The following MAP3K15 variants were observed in gnomAD, a reference collection of about 807,000 sequenced individuals.
The protein encoded by MAP3K15 is MAPK/ERK kinase kinase 15.
A neutral mutation model predicts 99.5 loss-of-function variants in MAP3K15; 124 were observed. The observed-to-expected ratio is 1.25, with a 90% CI of 1.08 to 1.45. The LOEUF is 1.45. Among genes scored for constraint, MAP3K15 ranks in the 40% most tolerant of loss-of-function variants. MAP3K15 has a pLI of 0.00. For missense variants in MAP3K15, 1,242 were observed against 1,079.7 expected (o/e 1.15, Z -2.11); for synonymous variants, 494 against 439.6 (o/e 1.12, Z -1.55).
At chrX:19,447,264 T>C (rs1479950598) in intron 6 of MAP3K15, among the ~76,000 whole-genome samples, 1 of 111,533 alleles carries the variant, frequency 9.0e-6, no homozygotes, top group Non-Finnish European at 1.9e-5. Context: ...TGCCCACAGA[T>C]ACCCAGCTAG....
rs767722976 is a variant in MAP3K15, at chrX:19,395,218, A to G, written c.2067-10T>C. On this transcript the variant is annotated splice_polypyrimidine_tract_variant and intron_variant, in intron 15 of 28. Transcript: ENST00000338883. ...CAGAGGCTGAGAATACCTATTGGGA[A>G]AAACAGAGCCAGGGTCACCTGCCAA... 1 of 1,200,645 alleles carries G rather than the reference A, an allele frequency of 8.3e-7. No individual in the cohort carries two copies. Among genetic ancestry groups the G allele is most frequent in the East Asian group, 3.0e-5 (1 of 33,265 alleles).
At chrX:19,474,050 T>A (rs1374896910) in intron 3 of MAP3K15, among the ~76,000 whole-genome samples, 6 of 111,971 alleles carry the variant, frequency 5.4e-5, no homozygotes, top group African/African-American at 1.9e-4. Flanking sequence ...CCTAAGGATA[T>A]CTTCCCAGGA....
At chrX:19,374,426 C>T in intron 20 of MAP3K15, 51 bp downstream of exon 20, 1 of 1,132,915 alleles carries the variant, frequency 8.8e-7, no homozygotes, top group Admixed American at 2.3e-5. Context: ...AGCCCAGCGC[C>T]CAGCATTCTT....
intron 9 of MAP3K15, among the ~76,000 whole-genome samples, chrX:19,420,801 G>A (rs1198829622): frequency 9.0e-6 from 1 of 111,570 alleles, no homozygotes; most frequent in East Asian, 2.8e-4. Flanking sequence ...ACTGGCAAAC[G>A]GAATCCAGCA....
intron 7 of MAP3K15, among the ~76,000 whole-genome samples, chrX:19,430,532 C>G (rs938111231): frequency 8.9e-6 from 1 of 111,916 alleles, no homozygotes; most frequent in African/African-American, 3.3e-5. Flanking sequence ...GGGGTTGTTA[C>G]GCAGCAAGTG....
chrX:19,454,817 A>G (rs1358970645), intron 6 of MAP3K15, among the ~76,000 whole-genome samples: 3 of 112,166 alleles, frequency 2.7e-5, no homozygotes, highest in South Asian at 7.4e-4. Context: ...GCAGTATTTC[A>G]GATTTTGGAA....
intron 13 of MAP3K15, among the ~76,000 whole-genome samples, chrX:19,405,839 C>T (rs1381586524): frequency 8.9e-6 from 1 of 112,281 alleles, no homozygotes; most frequent in East Asian, 2.8e-4. Context: ...CTGAGAAATT[C>T]TGTGTGAAAC....
At chrX:19,416,269 T>G (rs765750298) in intron 9 of MAP3K15, among the ~76,000 whole-genome samples, 1 of 110,587 alleles carries the variant, frequency 9.0e-6, no homozygotes, top group South Asian at 3.9e-4. Flanking sequence ...AGACGGAGGT[T>G]GCAGTGAGCT....
Position 19,490,140 on chromosome X carries a change from TACACACACAC to T in MAP3K15, c.362-1183_362-1174del, listed in dbSNP as rs59202439. Among the ~76,000 whole-genome samples the T allele has an allele frequency of 2.7e-3, 252 of 92,470 alleles. 1 individual carries two copies. The highest frequency in any genetic ancestry group is 7.9e-3 in the African/African-American group (189 of 24,033). 80.3% of individuals were successfully genotyped at this position (92,470 alleles called of 115,157 possible). A position where few individuals can be genotyped will look rare whatever the true frequency, so the allele number is the denominator to read the frequency against. ...TACGTACAGGCATGTATAGGCATTA[TACACACACAC>T]ACACACACACACACACACACACACA... is the stretch of plus-strand genomic sequence containing the variant. On this transcript the variant is annotated intron_variant, in intron 1 of 28. Transcript: ENST00000338883.
chrX:19,460,745 G>A (rs2064126059), intron 4 of MAP3K15, among the ~76,000 whole-genome samples: 3 of 105,623 alleles, frequency 2.8e-5, no homozygotes, highest in East Asian at 5.9e-4. Flanking sequence ...CAGATGTTCT[G>A]TTTTTTTGTT....
At chrX:19,382,267 A>G (rs1012218194) in intron 18 of MAP3K15, among the ~76,000 whole-genome samples, 178 of 106,486 alleles carry the variant, frequency 1.7e-3, no homozygotes, top group African/African-American at 5.7e-3. Flanking sequence ...AAAAAAAAAA[A>G]GGAAAGCAAA....
At chrX:19,479,043 C>T (rs1389920918) in intron 3 of MAP3K15, among the ~76,000 whole-genome samples, 3 of 111,462 alleles carry the variant, frequency 2.7e-5, no homozygotes, top group Non-Finnish European at 5.6e-5. Context: ...ATAGCAGTAC[C>T]TCTAAGCCTT....
At chrX:19,375,046 C>G (rs2063407678) in intron 19 of MAP3K15, among the ~76,000 whole-genome samples, 1 of 112,082 alleles carries the variant, frequency 8.9e-6, no homozygotes, top group Non-Finnish European at 1.9e-5. Context: ...AGGGAGGGGC[C>G]TCTCAGGCCA....
At chrX:19,414,199 G>C (rs1221605621) in intron 10 of MAP3K15, 1 of 108,810 alleles carries the variant, frequency 9.2e-6, no homozygotes, top group Non-Finnish European at 1.9e-5. Flanking sequence ...GGTGAGATGA[G>C]GAGGGAGAGA....
intron 19 of MAP3K15, chrX:19,376,890 G>C (rs970440512): frequency 2.8e-5 from 3 of 107,588 alleles, no homozygotes; most frequent in African/African-American, 1.0e-4. Flanking sequence ...TAAAAAGAAA[G>C]ATTTAAAAAA....
chrX:19,443,238 G>C (rs2063972853), intron 6 of MAP3K15, among the ~76,000 whole-genome samples: 1 of 106,575 alleles, frequency 9.4e-6, no homozygotes, highest in Admixed American at 1.0e-4. Flanking sequence ...TTACCATGTA[G>C]ACCAGGCTGG....
chrX:19,468,410 T>C (rs1191661151), intron 3 of MAP3K15, among the ~76,000 whole-genome samples: 2 of 111,656 alleles, frequency 1.8e-5, no homozygotes, highest in Non-Finnish European at 3.8e-5. Flanking sequence ...AATAGAACAA[T>C]CAGCTAAGGA....
intron 6 of MAP3K15, among the ~76,000 whole-genome samples, chrX:19,443,709 G>C (rs1054937725): frequency 2.7e-5 from 3 of 111,445 alleles, no homozygotes; most frequent in Non-Finnish European, 1.9e-5. Context: ...AGAACAGCCT[G>C]CTGCCCTAAG....
intron 4 of MAP3K15, among the ~76,000 whole-genome samples, chrX:19,460,492 T>C (rs1349494755): frequency 9.8e-5 from 11 of 112,019 alleles, no homozygotes; most frequent in Non-Finnish European, 1.9e-5. Flanking sequence ...CTTCCTTGTG[T>C]ATTTATTTTC....
Sources: gnomAD v4.1 joint callset for allele counts (sites outside exome capture counted in the v4.1 genomes callset) on GRCh38, gnomAD v4.1.1 for gene constraint, MANE v1.5 for transcripts, NCBI Gene and HGNC (gene_info 2026-07-23, HGNC 2026-07-21) for gene names.